Variants in KDM2B observed in about 807,000 individuals in gnomAD.
The protein encoded by KDM2B is lysine-specific demethylase 2B.
A neutral mutation model predicts 150.0 loss-of-function variants in KDM2B; 26 were observed. That is an observed-to-expected ratio of 0.17 (90% confidence interval 0.13 to 0.24). The LOEUF (loss-of-function observed/expected upper bound fraction) is 0.24, where lower values mean the gene tolerates loss of function less well. Among genes scored for constraint, KDM2B ranks in the 10% least tolerant of loss-of-function variants. The pLI is 1.00. For missense variants in KDM2B, 1,265 were observed against 1,816.9 expected (o/e 0.70, Z 5.52); for synonymous variants, 734 against 729.5 (o/e 1.01, Z -0.10).
chr12:121,539,163 G>A (rs913034564), intron 6 of KDM2B, among the ~76,000 whole-genome samples: 5 of 151,524 alleles, frequency 3.3e-5, no homozygotes, highest in Admixed American at 6.6e-5. Flanking sequence ...GTTTACATGC[G>A]TGATCTCGTT....
At chr12:121,544,525 G>A (rs1161131025) in intron 6 of KDM2B, among the ~76,000 whole-genome samples, 12 of 151,884 alleles carry the variant, frequency 7.9e-5, no homozygotes, top group African/African-American at 1.7e-4. Context: ...CAGGAGAATC[G>A]CTTGATCCCG....
chr12:121,511,324 T>C (rs1456862917), intron 10 of KDM2B, among the ~76,000 whole-genome samples: 1 of 148,676 alleles, frequency 6.7e-6, no homozygotes, highest in East Asian at 1.9e-4. Context: ...TCTCACTTTG[T>C]TGGCCAGACT....
At chr12:121,462,275 C>T (rs183468867) in intron 12 of KDM2B, among the ~76,000 whole-genome samples, 33 of 152,254 alleles carry the variant, frequency 2.2e-4, no homozygotes, top group African/African-American at 6.7e-4. Flanking sequence ...CCTTAACACA[C>T]GCCTGTAGAC....
rs1417948292 is a variant in KDM2B at position 121,441,174 on chromosome 12, G to C, written c.3344C>G (p.Pro1115Arg). The C allele has an allele frequency of 6.2e-7, 1 of 1,614,072 alleles. No individual in the cohort carries two copies. The highest frequency in any genetic ancestry group is 8.5e-7 in the Non-Finnish European group (1 of 1,180,022). ...IDLNHCKSIT[P>R]LMLSGIIRRQ... ...CCGGATGATGCCACTCAGCATCAGG[G>C]GTGTGATAGACTTGCAGTGGTTCAG... Residue 1115 changes from proline to arginine, a missense_variant, in exon 20 of 23, where the codon CCC becomes CGC. Around this residue, in one of 11 missense-constraint regions of KDM2B, gnomAD observed 251 missense variants for 397.8 expected, o/e 0.63. Coordinates refer to ENST00000377071, the MANE Select transcript of KDM2B (RefSeq NM_032590.5).
intron 1 of KDM2B, chr12:121,579,962 ATC>A: frequency 8.5e-6 from 12 of 1,405,588 alleles, no homozygotes; most frequent in South Asian, 2.7e-5. Context: ...AAAAAAAAAG[ATC>A]TATCATATGC....
intron 9 of KDM2B, among the ~76,000 whole-genome samples, chr12:121,517,042 G>A (rs1236175443): frequency 6.6e-6 from 1 of 151,882 alleles, no homozygotes; most frequent in African/African-American, 2.4e-5. Flanking sequence ...CTGGGAGGGG[G>A]GGAAAGATAA....
chr12:121,475,194 G>C (rs1881221874), intron 12 of KDM2B, among the ~76,000 whole-genome samples: 1 of 144,070 alleles, frequency 6.9e-6, no homozygotes, highest in Non-Finnish European at 1.5e-5. Flanking sequence ...GTGTGTGTGT[G>C]TGTGTGTGTG....
chr12:121,423,746 T>C, the KDM2B span: 1 of 635,726 alleles, frequency 1.6e-6, no homozygotes, highest in African/African-American at 1.9e-5. The surrounding 1 kb of genome is among the most constrained non-coding windows in gnomAD (Gnocchi z 4.3). Context: ...CATTGGTCCA[T>C]GCCGTGAGCC....
intron 12 of KDM2B, among the ~76,000 whole-genome samples, chr12:121,462,105 C>T (rs1468609424): frequency 6.6e-6 from 1 of 152,258 alleles, no homozygotes; most frequent in Non-Finnish European, 1.5e-5. Context: ...GACAGCCCCA[C>T]AAGGGAAGGC....
intron 2 of KDM2B, among the ~76,000 whole-genome samples, chr12:121,577,311 T>A (rs1187657980): frequency 6.6e-6 from 1 of 151,714 alleles, no homozygotes; most frequent in African/African-American, 2.4e-5. Context: ...TCCTCCCAAA[T>A]GACTAGGAAG....
At chr12:121,488,274 C>T (rs1237458655) in intron 12 of KDM2B, among the ~76,000 whole-genome samples, 2 of 152,196 alleles carry the variant, frequency 1.3e-5, no homozygotes, top group African/African-American at 4.8e-5. Flanking sequence ...CTGCTCCCTG[C>T]TCCTCCTCTC....
chr12:121,433,915 C>CA lies in KDM2B; in HGVS notation c.3830-3447dup, dbSNP rs201362459. Among the ~76,000 whole-genome samples the CA allele has an allele frequency of 7.9e-3, 1,199 of 152,230 alleles. 16 individuals carry two copies. The highest frequency in any genetic ancestry group is 0.028 in the African/African-American group (1,160 of 41,532). On this transcript the variant is annotated intron_variant, in intron 22 of 22. Coordinates refer to ENST00000377071, the MANE Select transcript of KDM2B (RefSeq NM_032590.5). ...AATACATAGGCCGGGCGCGACTGCTCATGCCTGTAAGACCAGCACTTGGGA... is the reference window on the plus strand; with the variant it reads ...AATACATAGGCCGGGCGCGACTGCTCAATGCCTGTAAGACCAGCACTTGGGA...
chr12:121,503,336 G>A (rs1018257932), intron 11 of KDM2B, among the ~76,000 whole-genome samples: 5 of 151,688 alleles, frequency 3.3e-5, no homozygotes, highest in Admixed American at 3.3e-4. Flanking sequence ...TGTCACCAAG[G>A]CTGGAGTACA....
At chr12:121,580,571 G>T in intron 1 of KDM2B, 1 of 830,872 alleles carries the variant, frequency 1.2e-6, no homozygotes, top group East Asian at 3.6e-5. Flanking sequence ...AGATGGCGGG[G>T]CAGGGAGGGA....
In KDM2B at chr12:121,467,058, CGCGGCG is replaced by C; in HGVS notation, c.1735-13720_1735-13715del. 4 of 590,272 alleles carry C rather than the reference CGCGGCG, an allele frequency of 6.8e-6. No individual in the cohort carries two copies. Among genetic ancestry groups the C allele is most frequent in the Non-Finnish European group, 8.8e-6 (4 of 454,668 alleles). The allele number at this position is 590,272 out of a possible 1,614,324, so 36.6% of individuals were successfully genotyped here. The stretch of plus-strand genomic sequence containing the variant: ...AGCGGCAGCAAAACTTTCTCCTCAT[CGCGGCG>C]GCGGCGGCGTCGCGGCCGCCCTCGG... On this transcript the variant is annotated intron_variant, in intron 12 of 22. Transcript: ENST00000377071. This position sits in a 1 kb window ranked among gnomAD's most constrained non-coding sequence, Gnocchi z 5.1.
chr12:121,512,015 T>C (rs1234908902), intron 10 of KDM2B, among the ~76,000 whole-genome samples: 2 of 152,130 alleles, frequency 1.3e-5, no homozygotes, highest in East Asian at 3.9e-4. Context: ...GCGAATGGAA[T>C]ATTATTCTTC....
At chr12:121,439,608 C>T (rs1431546393) in intron 22 of KDM2B, among the ~76,000 whole-genome samples, 1 of 152,092 alleles carries the variant, frequency 6.6e-6, no homozygotes, top group Non-Finnish European at 1.5e-5. Context: ...TCTCGAACTC[C>T]TGTCCTTATG....
intron 12 of KDM2B, chr12:121,469,745 A>C (rs1036796085): frequency 6.6e-6 from 1 of 152,030 alleles, no homozygotes; most frequent in Admixed American, 6.6e-5. Context: ...CTTCCACTTC[A>C]TTGTGATTGG....
intron 12 of KDM2B, among the ~76,000 whole-genome samples, chr12:121,478,632 T>G (rs964172015): frequency 4.6e-5 from 7 of 152,094 alleles, no homozygotes; most frequent in African/African-American, 1.7e-4. Flanking sequence ...GTGCTGGGAT[T>G]ACAGGCGTGA....
Sources: allele counts gnomAD v4.1 joint callset (sites outside exome capture counted in the v4.1 genomes callset), GRCh38; gene constraint gnomAD v4.1.1; regional missense constraint gnomAD v4.1.1; non-coding constraint Gnocchi (gnomAD v3.1); transcripts MANE v1.5; gene names NCBI Gene and HGNC (gene_info 2026-07-23, HGNC 2026-07-21).